Variants in PCDHA3 observed in about 807,000 individuals in gnomAD.
PCDHA3 encodes the protein protocadherin alpha 3.
Under a neutral mutation model 62.2 loss-of-function variants are expected in PCDHA3, and 41 were observed. The ratio of observed to expected loss-of-function variants is 0.66; its 90% CI spans 0.51 to 0.86. The LOEUF is 0.86. PCDHA3 is among the 40% of genes least tolerant of loss of function. PCDHA3 has a pLI of 0.00. For synonymous variants in PCDHA3, 640 were observed against 555.4 expected (o/e 1.15, Z -2.14); for missense variants, 1,304 against 1,241.2 (o/e 1.05, Z -0.76).
chr5:140,850,195 C>A, intron 1 of PCDHA3: 1 of 1,593,610 alleles, frequency 6.3e-7, no homozygotes, highest in South Asian at 1.1e-5. Context: ...GCGCTGCTGA[C>A]ACCTCGGATG....
chr5:140,843,845 C>A (rs1191998999), intron 1 of PCDHA3: 1 of 1,001,508 alleles, frequency 1.0e-6, no homozygotes, highest in Non-Finnish European at 1.5e-6. Context: ...TTTTTAGAAA[C>A]CTTTTATAAT....
At chr5:140,967,254 C>G in intron 1 of PCDHA3, 3 of 1,613,562 alleles carry the variant, frequency 1.9e-6, no homozygotes, top group Non-Finnish European at 2.5e-6. Context: ...TCGGTGGCGC[C>G]TGGAGCGCGC....
At chr5:140,951,737 C>T (rs1223539805) in intron 1 of PCDHA3, among the ~76,000 whole-genome samples, 1 of 152,130 alleles carries the variant, frequency 6.6e-6, no homozygotes, top group Non-Finnish European at 1.5e-5. Context: ...CATTCTGCCA[C>T]TGCCCTCACC....
chr5:140,829,011 A>C (rs1554131712), intron 1 of PCDHA3: 1 of 1,613,882 alleles, frequency 6.2e-7, no homozygotes, highest in Non-Finnish European at 8.5e-7. Flanking sequence ...ATTCGGGGTA[A>C]TTTGGATTTT....
chr5:140,929,651 A>G (rs2086278415), intron 1 of PCDHA3: 2 of 358,222 alleles, frequency 5.6e-6, no homozygotes, highest in East Asian at 8.9e-5. Context: ...AAGGCACTCT[A>G]ATATTTAAAG....
chr5:140,926,943 T>C (rs2083677139), intron 1 of PCDHA3: 1 of 1,587,096 alleles, frequency 6.3e-7, no homozygotes, highest in Non-Finnish European at 8.6e-7. Context: ...CCTGCGGCGC[T>C]GCAGCGGGAC....
chr5:140,955,171 C>G (rs887184603), intron 1 of PCDHA3, among the ~76,000 whole-genome samples: 2 of 152,158 alleles, frequency 1.3e-5, no homozygotes, highest in African/African-American at 2.4e-5. Context: ...GTTTTGGTTA[C>G]TGTAGTTTTG....
intron 1 of PCDHA3, chr5:140,841,468 G>C: frequency 6.2e-7 from 1 of 1,612,986 alleles, no homozygotes; most frequent in Non-Finnish European, 8.5e-7. Flanking sequence ...GCCGGATCGC[G>C]CAGGACCTGG....
chr5:140,884,439 C>G (rs1554181562), intron 1 of PCDHA3: 2 of 1,613,818 alleles, frequency 1.2e-6, no homozygotes, highest in East Asian at 2.2e-5. Context: ...CTGCGGTGCT[C>G]GGCACCGCCC....
chr5:140,911,915 G>A (rs553932242), intron 1 of PCDHA3, among the ~76,000 whole-genome samples: 3 of 152,226 alleles, frequency 2.0e-5, no homozygotes, highest in African/African-American at 7.2e-5. Flanking sequence ...CTCTCTAGAG[G>A]ACAGAACTAA....
intron 1 of PCDHA3, chr5:140,824,614 T>TG (rs1768228041): frequency 1.6e-5 from 2 of 124,554 alleles, no homozygotes; most frequent in South Asian, 2.4e-4. Flanking sequence ...ATTAAAGTTT[T>TG]TTTTTTTTTT....
At chr5:140,827,951 A>T (rs1222083879) in intron 1 of PCDHA3, 6 of 1,273,218 alleles carry the variant, frequency 4.7e-6, no homozygotes, top group Middle Eastern at 4.5e-4. Flanking sequence ...CAACATTCAA[A>T]TTTCTTCTAT....
At chr5:140,808,015 C>A in intron 1 of PCDHA3, 1 of 1,613,530 alleles carries the variant, frequency 6.2e-7, no homozygotes, top group Middle Eastern at 1.7e-4. Flanking sequence ...TGAATGGGGA[C>A]ATTGTTTATT....
At chr5:140,836,907 C>T in intron 1 of PCDHA3, 1 of 583,884 alleles carries the variant, frequency 1.7e-6, no homozygotes, top group Non-Finnish European at 2.8e-6. Context: ...GTTTAATATA[C>T]ACTTTTGTTT....
chr5:140,809,379 CG>C, intron 1 of PCDHA3: 1 of 1,614,006 alleles, frequency 6.2e-7, no homozygotes, highest in Admixed American at 1.7e-5. Flanking sequence ...ACCGAGGGCG[CG>C]TGCGCTCCGG....
chr5:140,862,341 T>G, intron 1 of PCDHA3: 1 of 331,140 alleles, frequency 3.0e-6, no homozygotes, highest in Non-Finnish European at 6.0e-6. Flanking sequence ...GACCCTAACT[T>G]CAGTGCCAAG....
intron 1 of PCDHA3, chr5:140,842,086 A>G: frequency 1.2e-6 from 2 of 1,613,926 alleles, no homozygotes; most frequent in Non-Finnish European, 1.7e-6. Flanking sequence ...TCGAAAACGC[A>G]GACAACGGAA....
At chr5:140,860,192 C>CATATATATATAT (rs143984774) in intron 1 of PCDHA3, 7 of 146,860 alleles carry the variant, frequency 4.8e-5, no homozygotes, top group African/African-American at 1.8e-4. Context: ...GCTCTCCTTA[C>CATATATATATAT]ATATATATCT....
intron 1 of PCDHA3, chr5:140,875,679 A>T (rs1554167850): frequency 4.3e-6 from 7 of 1,613,916 alleles, no homozygotes; most frequent in Non-Finnish European, 8.5e-7. Context: ...TGGCGTCCAA[A>T]AGACACGGGG....
Sources: allele counts gnomAD v4.1 joint callset (sites outside exome capture counted in the v4.1 genomes callset), GRCh38; gene constraint gnomAD v4.1.1; transcripts MANE v1.5; gene names NCBI Gene and HGNC (gene_info 2026-07-23, HGNC 2026-07-21).